BAG3: variants seen among roughly 807,000 people sequenced by gnomAD.
BAG3 encodes BAG cochaperone 3.
A neutral mutation model predicts 40.5 loss-of-function variants in BAG3; 14 were observed. The observed-to-expected ratio is 0.35, with a 90% CI of 0.23 to 0.54. The LOEUF (loss-of-function observed/expected upper bound fraction) is 0.54, where lower values mean the gene tolerates loss of function less well. Among genes scored for constraint, BAG3 ranks in the 20% least tolerant of loss-of-function variants. The pLI is 0.91. For missense variants in BAG3, 788 were observed against 758.6 expected (o/e 1.04, Z -0.46); for synonymous variants, 302 against 307.8 (o/e 0.98, Z 0.20).
chr10:119,667,769 C>T (rs1197894481), intron 1 of BAG3, among the ~76,000 whole-genome samples: 1 of 152,186 alleles, frequency 6.6e-6, no homozygotes, highest in Non-Finnish European at 1.5e-5. Flanking sequence ...CTGCTGGTCC[C>T]TGCTGTGTGG....
chr10:119,672,552 T>G lies in BAG3; in HGVS notation c.805T>G (p.Ser269Ala). The G allele has an allele frequency of 6.2e-7, 1 of 1,613,984 alleles. No individual in the cohort carries two copies. The highest frequency in any genetic ancestry group is 8.5e-7 in the Non-Finnish European group (1 of 1,179,920). Residue 269 changes from serine to alanine, a missense_variant, in exon 3 of 4, where the codon TCT becomes GCT. Ser to Ala is a moderately conservative substitution (Grantham distance 99). Coordinates refer to ENST00000369085, the MANE Select transcript of BAG3 (RefSeq NM_004281.4). This position sits in a 1 kb window ranked among gnomAD's most constrained non-coding sequence, Gnocchi z 4.8. ...PLRAASPFRSSVQGASSREGS... is the reference protein window; with the variant it reads ...PLRAASPFRSAVQGASSREGS... ...GCGGGCGGCATCCCCGTTCAGGTCA[T>G]CTGTCCAGGGTGCATCGAGCCGGGA...
At chr10:119,657,906 G>A (rs182687056) in intron 1 of BAG3, among the ~76,000 whole-genome samples, 4 of 152,188 alleles carry the variant, frequency 2.6e-5, no homozygotes, top group African/African-American at 7.2e-5. Context: ...ATCAGACACC[G>A]TATACGTGAA....
Position 119,677,514 on chromosome 10 carries a change from C to T in BAG3, c.*232C>T, listed in dbSNP as rs1262479214. 12 of 589,176 alleles carry T rather than the reference C, an allele frequency of 2.0e-5. No individual in the cohort carries two copies. The highest frequency in any genetic ancestry group is 5.8e-5 in the South Asian group (3 of 51,984). The allele number at this position is 589,176 out of a possible 1,614,324, so 36.5% of individuals were successfully genotyped here. A position where few individuals can be genotyped will look rare whatever the true frequency, so the allele number is the denominator to read the frequency against. On this transcript the variant is annotated 3_prime_UTR_variant, in exon 4 of 4. Transcript: ENST00000369085. ...GCTTGTTGTTTGAGAAGTTTAACCC[C>T]GTTGCTTGTTGTTCTGCAGCCCTGT...
intron 2 of BAG3, 127 bp downstream of exon 2, chr10:119,670,304 C>G (rs1159932316): frequency 3.9e-6 from 4 of 1,030,128 alleles, no homozygotes; most frequent in Non-Finnish European, 5.5e-6. Context: ...CTGGGTCTAG[C>G]CTGCAGCATC....
At chr10:119,658,883 C>T (rs902102871) in intron 1 of BAG3, among the ~76,000 whole-genome samples, 7 of 152,106 alleles carry the variant, frequency 4.6e-5, no homozygotes, top group Non-Finnish European at 8.8e-5. Flanking sequence ...GTGGAACTCC[C>T]GGAAACATAT....
chr10:119,654,290 GCAT>G (rs1394093522), intron 1 of BAG3, among the ~76,000 whole-genome samples: 5 of 152,192 alleles, frequency 3.3e-5, no homozygotes, highest in African/African-American at 9.7e-5. Context: ...GCCCGTCTGA[GCAT>G]CATCATCTTC....
intron 1 of BAG3, among the ~76,000 whole-genome samples, chr10:119,666,114 C>T (rs1847063051): frequency 2.0e-5 from 3 of 152,350 alleles, no homozygotes; most frequent in Middle Eastern, 3.4e-3. Context: ...CCTCCAGGCC[C>T]TCTGCCCTGC....
intron 1 of BAG3, among the ~76,000 whole-genome samples, chr10:119,667,701 T>C (rs558400869): frequency 6.6e-6 from 1 of 152,272 alleles, no homozygotes; most frequent in South Asian, 2.1e-4. Context: ...GGTAACCCCA[T>C]AGGACTCCTC....
At chr10:119,665,526 G>T (rs984519479) in intron 1 of BAG3, among the ~76,000 whole-genome samples, 2 of 151,870 alleles carry the variant, frequency 1.3e-5, no homozygotes, top group Admixed American at 6.6e-5. Context: ...TGATCCACCC[G>T]CCTCGGCCTC....
At chr10:119,655,246 C>A (rs11199061) in intron 1 of BAG3, among the ~76,000 whole-genome samples, 9,945 of 152,134 alleles carry the variant, frequency 0.065, 367 homozygotes, top group Middle Eastern at 0.15. Context: ...GGAAGCGAGC[C>A]GAGACAGCAC....
rs1847242044 is a variant in BAG3 at position 119,676,722 on chromosome 10, G to A, written c.1168G>A (p.Val390Met). 6.2e-7 allele frequency: 1 copy of A among 1,614,022 alleles called. No homozygotes were observed. Among genetic ancestry groups the A allele is most frequent in the Admixed American group, 1.7e-5 (1 of 59,994 alleles). ...PSAVPSSPKS[V>M]ATEERAAPST... ...TGCTGTCCCCTCTTCCCCCAAGAGTGTGGCTACAGAAGAGAGGGCAGCCCC... is the reference window on the plus strand; with the variant it reads ...TGCTGTCCCCTCTTCCCCCAAGAGTATGGCTACAGAAGAGAGGGCAGCCCC... The change falls in exon 4 of 4, where the codon GTG becomes ATG. Residue 390 changes from valine (V) to methionine (M), a missense_variant. Physicochemically the swap from Val to Met is conservative, Grantham distance 21 (BLOSUM62 1). Coordinates refer to ENST00000369085, the MANE Select transcript of BAG3 (RefSeq NM_004281.4).
rs377674189 is a variant in BAG3 at position 119,662,311 on chromosome 10, C to T, written c.181-7540C>T. 3.6e-4 allele frequency among the ~76,000 whole-genome samples: 53 copies of T among 149,184 alleles called. No homozygotes were observed. In the East Asian group the frequency reaches 4.6e-3, roughly 13 times the overall value. ...CTTGAACTCCTGACCTCAAGTGATC[C>T]GCCCGCCTCGGCCTCCCAAAGTCTT... is the stretch of plus-strand genomic sequence containing the variant. On this transcript the variant is annotated intron_variant, in intron 1 of 3. Transcript: ENST00000369085.
At chr10:119,657,750 C>T (rs1174886395) in intron 1 of BAG3, among the ~76,000 whole-genome samples, 2 of 152,206 alleles carry the variant, frequency 1.3e-5, no homozygotes, top group Non-Finnish European at 2.9e-5. Context: ...TTTTGTTTCT[C>T]CCAATGACAC....
rs1847261949 is a variant in BAG3, at chr10:119,677,744, T to C, written c.*462T>C. 3 of 184,528 alleles carry C rather than the reference T, an allele frequency of 1.6e-5. No individual in the cohort carries two copies. The highest frequency in any genetic ancestry group is 1.3e-4 in the East Asian group (1 of 7,900). The allele number at this position is 184,528 out of a possible 1,614,324, so 11.4% of individuals were successfully genotyped here. On this transcript the variant is annotated 3_prime_UTR_variant, in exon 4 of 4. Coordinates refer to ENST00000369085, the MANE Select transcript of BAG3 (RefSeq NM_004281.4). ...AGAGAGTAAAATGTGCCAGGAGCCA[T>C]AGGAATATCTGTATGTTGGATGACT...
chr10:119,677,412 CA>C lies in BAG3; in HGVS notation c.*134del. The C allele has an allele frequency of 9.2e-7, 1 of 1,087,308 alleles. No individual in the cohort carries two copies. Among genetic ancestry groups the C allele is most frequent in the Non-Finnish European group, 1.4e-6 (1 of 725,544 alleles). The allele number at this position is 1,087,308 out of a possible 1,614,324, so 67.4% of individuals were successfully genotyped here. ...TGGTATGCAGTAACTTGGGTGGAGGCAAAACACTAATAAAAGGGCTAAAAAG... is the reference window on the plus strand; with the variant it reads ...TGGTATGCAGTAACTTGGGTGGAGGCAAACACTAATAAAAGGGCTAAAAAG... On this transcript the variant is annotated 3_prime_UTR_variant, in exon 4 of 4. Transcript: ENST00000369085.
chr10:119,664,755 T>C (rs1224898561), intron 1 of BAG3, among the ~76,000 whole-genome samples: 1 of 152,210 alleles, frequency 6.6e-6, no homozygotes, highest in Non-Finnish European at 1.5e-5. Flanking sequence ...AAACACTTAG[T>C]AGACTGAAGA....
At chr10:119,669,680 A>G (rs569873485) in intron 1 of BAG3, among the ~76,000 whole-genome samples, 171 bp from the exon 2 acceptor site, 3 of 152,078 alleles carry the variant, frequency 2.0e-5, no homozygotes, top group Admixed American at 6.5e-5. Context: ...CCAAATAGCA[A>G]CCTCTATGGG....
At chr10:119,653,182 T>A (rs1457843222) in intron 1 of BAG3, among the ~76,000 whole-genome samples, 1 of 152,228 alleles carries the variant, frequency 6.6e-6, no homozygotes, top group African/African-American at 2.4e-5. Context: ...CAGTTTACAT[T>A]TACGAGAGAT....
At chr10:119,675,919 T>TCCTTCCTTCCTTCCTTCCTCCCTC (rs1554877671) in intron 3 of BAG3, among the ~76,000 whole-genome samples, 1 of 10,134 alleles carries the variant, frequency 9.9e-5, no homozygotes, top group Non-Finnish European at 1.7e-4. Context: ...CTTCCTTCCT[T>TCCTTCCTTCCTTCCTTCCTCCCTC]CCTCCCTCCC....
Sources: allele counts gnomAD v4.1 joint callset (sites outside exome capture counted in the v4.1 genomes callset), GRCh38; gene constraint gnomAD v4.1.1; non-coding constraint Gnocchi (gnomAD v3.1); transcripts MANE v1.5; gene names NCBI Gene and HGNC (gene_info 2026-07-23, HGNC 2026-07-21).